ANKHD1: variants seen among roughly 807,000 people sequenced by gnomAD.
The protein encoded by ANKHD1 is ankyrin repeat and KH domain-containing protein 1.
A neutral mutation model predicts 230.5 loss-of-function variants in ANKHD1; 31 were observed. That is an observed-to-expected ratio of 0.13 (90% confidence interval 0.10 to 0.18). The LOEUF is 0.18. Ranked by LOEUF, ANKHD1 falls within the 10% of genes least tolerant of loss-of-function variation. ANKHD1 has a pLI of 1.00. For synonymous variants in ANKHD1, 1,074 were observed against 1,117.6 expected (o/e 0.96, Z 0.78); for missense variants, 2,256 against 3,071.3 (o/e 0.73, Z 6.27).
rs763318023 is a variant in ANKHD1 at position 140,538,153 on chromosome 5, A to C, written c.7296A>C (p.Pro2432=). 3 of 1,614,170 alleles carry C rather than the reference A, an allele frequency of 1.9e-6. No individual in the cohort carries two copies. In the South Asian group the frequency reaches 3.3e-5, roughly 18 times the overall value. The change falls in exon 32 of 34, where the codon CCA becomes CCC. Residue 2432 remains proline (P), a synonymous_variant. Coordinates refer to ENST00000360839, the MANE Select transcript of ANKHD1 (RefSeq NM_017747.3). ...CAATGCATCAACAATTATCAGACCC[A>C]AGCACATTCTCCCAACATCAGCCAA... The part of the protein sequence containing the change: ...NHPMHQQLSD[P]STFSQHQPME...
intron 1 of ANKHD1, among the ~76,000 whole-genome samples, chr5:140,426,938 C>T (rs1233641379): frequency 2.0e-5 from 3 of 152,236 alleles, no homozygotes; most frequent in Non-Finnish European, 2.9e-5. Flanking sequence ...ACACGGCAAC[C>T]ATCCGATTTC....
chr5:140,532,972 C>T, intron 29 of ANKHD1: 1 of 251,818 alleles, frequency 4.0e-6, no homozygotes, highest in Non-Finnish European at 8.1e-6. Flanking sequence ...GTGGTGGGTG[C>T]CTGTAATCCC....
At chr5:140,462,427 C>G (rs557297805) in intron 9 of ANKHD1, among the ~76,000 whole-genome samples, 79 of 152,016 alleles carry the variant, frequency 5.2e-4, no homozygotes, top group African/African-American at 1.8e-3. Flanking sequence ...AAATACAAAT[C>G]ATCATATAAA....
chr5:140,459,519 A>G (rs1052085782), intron 9 of ANKHD1, among the ~76,000 whole-genome samples, 164 bp downstream of exon 9: 2 of 152,168 alleles, frequency 1.3e-5, no homozygotes, highest in Non-Finnish European at 2.9e-5. Flanking sequence ...GGAAATGTTG[A>G]TCAAAGGGTA....
At chr5:140,482,749 G>C in intron 11 of ANKHD1, 82 bp downstream of exon 11, 1 of 1,461,796 alleles carries the variant, frequency 6.8e-7, no homozygotes, top group Non-Finnish European at 9.3e-7. Context: ...TTTATGTTAT[G>C]GCTACTTTAC....
In ANKHD1 at chr5:140,538,232, A is replaced by G. The variant is rs200265830; in HGVS notation, c.7375A>G (p.Met2459Val). 5.6e-6 allele frequency: 9 copies of G among 1,613,512 alleles called. No homozygotes were observed. In the East Asian group the frequency reaches 6.7e-5, roughly 12 times the overall value. The change falls in exon 32 of 34, where the codon ATG (methionine) becomes GTG (valine). Residue 2459 changes from methionine (M) to valine (V), a missense_variant. Around this residue, in one of 13 missense-constraint regions of ANKHD1, gnomAD observed 778 missense variants for 966.5 expected, o/e 0.80. Transcript: ENST00000360839. ...VAPSNIFHQP[M>V]ASGFVDFSKG... ...CCCCTCTAACATTTTTCATCAGCCTATGGCAAGTGGTTTTGTGGATTTTTC... is the reference window on the plus strand; with the variant it reads ...CCCCTCTAACATTTTTCATCAGCCTGTGGCAAGTGGTTTTGTGGATTTTTC...
chr5:140,518,018 G>C (rs1189607104), intron 24 of ANKHD1, among the ~76,000 whole-genome samples: 7 of 151,414 alleles, frequency 4.6e-5, no homozygotes, highest in Non-Finnish European at 1.0e-4. Context: ...TTTTTTGAAA[G>C]GATCAACAAA....
chr5:140,450,046 C>T (rs1460788790), intron 7 of ANKHD1, among the ~76,000 whole-genome samples: 1 of 152,030 alleles, frequency 6.6e-6, no homozygotes, highest in African/African-American at 2.4e-5. Context: ...CTTCTGTAAG[C>T]ACATATATAT....
chr5:140,465,480 T>C (rs1250056771), intron 10 of ANKHD1, among the ~76,000 whole-genome samples: 4 of 152,206 alleles, frequency 2.6e-5, no homozygotes, highest in Non-Finnish European at 5.9e-5. Context: ...GCTTTTATTT[T>C]GTGAGAGTGC....
At chr5:140,419,742 C>CTT (rs1171457110) in intron 1 of ANKHD1, among the ~76,000 whole-genome samples, 1 of 151,324 alleles carries the variant, frequency 6.6e-6, no homozygotes, top group African/African-American at 2.4e-5. Context: ...TTCTCTCTCT[C>CTT]TTTCTTTTCT....
At chr5:140,533,407 G>C (rs1373326962) in intron 29 of ANKHD1, among the ~76,000 whole-genome samples, 1 of 152,088 alleles carries the variant, frequency 6.6e-6, no homozygotes, top group Non-Finnish European at 1.5e-5. Flanking sequence ...GACCATCCTG[G>C]TTAACACGGT....
chr5:140,419,263 A>G (rs890190893), intron 1 of ANKHD1, among the ~76,000 whole-genome samples: 2 of 151,556 alleles, frequency 1.3e-5, no homozygotes, highest in East Asian at 1.9e-4. Flanking sequence ...GGTCATATGT[A>G]TATCTTTGAA....
chr5:140,453,877 T>C (rs1233129403), intron 7 of ANKHD1, among the ~76,000 whole-genome samples: 2 of 152,186 alleles, frequency 1.3e-5, no homozygotes, highest in Non-Finnish European at 2.9e-5. Flanking sequence ...TAACCTTAAA[T>C]GTAAATGGGC....
chr5:140,526,411 G>C lies in ANKHD1; in HGVS notation c.4908G>C (p.Lys1636Asn). The C allele has an allele frequency of 6.2e-7, 1 of 1,613,344 alleles. No homozygotes were observed. The highest frequency in any genetic ancestry group is 8.5e-7 in the Non-Finnish European group (1 of 1,179,730). ...TGCTCCTTCATTCCCAAGAAGAAAA[G>C]ACAAGTACTGCTACTTCCAAAACTC... is the stretch of plus-strand genomic sequence containing the variant. Reference protein sequence around the residue: ...PSLLLHSQEEKTSTATSKTQT... With the variant: ...PSLLLHSQEENTSTATSKTQT... Residue 1636 changes from lysine to asparagine, a missense_variant, in exon 26 of 34, where the codon AAG (lysine) becomes AAC (asparagine). Physicochemically the swap from Lys to Asn is moderately conservative, Grantham distance 94 (BLOSUM62 0). This residue lies in a region of ANKHD1 where 212 missense variants were observed against 257.3 expected (regional missense o/e 0.82). Transcript: ENST00000360839.
chr5:140,473,622 A>G (rs1750788723), intron 10 of ANKHD1, among the ~76,000 whole-genome samples: 1 of 151,918 alleles, frequency 6.6e-6, no homozygotes, highest in Non-Finnish European at 1.5e-5. Context: ...TTTCATTTTT[A>G]TAGAGATGAG....
chr5:140,469,807 AAT>A (rs964355754), intron 10 of ANKHD1, among the ~76,000 whole-genome samples: 44 of 150,860 alleles, frequency 2.9e-4, no homozygotes, highest in Admixed American at 5.3e-4. Context: ...TAGTTATTTA[AAT>A]ATATATATAT....
chr5:140,506,008 C>A lies in ANKHD1; in HGVS notation c.3408+139C>A. ...TTTCTGAGGCAGGGTCTTGCTCTGT[C>A]TCCCAGGCTAGAGTACAGTGGTGCA... On this transcript the variant is annotated intron_variant, in intron 18 of 33. Transcript: ENST00000360839. This position sits in a 1 kb window ranked among gnomAD's most constrained non-coding sequence, Gnocchi z 4.7. The A allele has an allele frequency of 2.9e-6, 4 of 1,382,464 alleles. No individual in the cohort carries two copies. Among genetic ancestry groups the A allele is most frequent in the Non-Finnish European group, 3.8e-6 (4 of 1,040,856 alleles). The allele number at this position is 1,382,464 out of a possible 1,614,324, so 85.6% of individuals were successfully genotyped here.
chr5:140,460,027 G>A (rs1291015970), intron 9 of ANKHD1, among the ~76,000 whole-genome samples: 1 of 152,086 alleles, frequency 6.6e-6, no homozygotes, highest in Non-Finnish European at 1.5e-5. Flanking sequence ...CTTGTGGAAG[G>A]GAGATGTTAG....
At chr5:140,458,981 CATATATAT>C (rs1335940395) in intron 8 of ANKHD1, 119 bp downstream of exon 8, 1 of 22,818 alleles carries the variant, frequency 4.4e-5, no homozygotes, top group African/African-American at 1.1e-4. Flanking sequence ...TATATATATG[CATATATAT>C]ATATATGCAT....
Sources: allele counts gnomAD v4.1 joint callset (sites outside exome capture counted in the v4.1 genomes callset), GRCh38; gene constraint gnomAD v4.1.1; regional missense constraint gnomAD v4.1.1; non-coding constraint Gnocchi (gnomAD v3.1); transcripts MANE v1.5; gene names NCBI Gene and HGNC (gene_info 2026-07-23, HGNC 2026-07-21).